Variants in HSD17B3 observed in about 807,000 individuals in gnomAD.
HSD17B3 encodes the protein hydroxysteroid 17-beta dehydrogenase 3.
Under a neutral mutation model 41.1 loss-of-function variants are expected in HSD17B3, and 29 were observed. The ratio of observed to expected loss-of-function variants is 0.71; its 90% CI spans 0.53 to 0.96. HSD17B3 has a LOEUF of 0.96. Among genes scored for constraint, HSD17B3 ranks in the 40% least tolerant of loss-of-function variants. The pLI, the probability that HSD17B3 is intolerant of heterozygous loss-of-function variation, is 0.00. For synonymous variants in HSD17B3, 126 were observed against 145.6 expected (o/e 0.87, Z 0.97); for missense variants, 323 against 374.6 (o/e 0.86, Z 1.14).
intron 2 of HSD17B3, among the ~76,000 whole-genome samples, chr9:96,266,579 A>G (rs1826050736): frequency 6.6e-6 from 1 of 152,174 alleles, no homozygotes; most frequent in Admixed American, 6.6e-5. Flanking sequence ...CCCAGCCTAC[A>G]AAATTTTTGT....
Position 96,244,316 on chromosome 9 carries a change from C to A in HSD17B3, c.672+13G>T. 6.2e-7 allele frequency: 1 copy of A among 1,613,704 alleles called. No homozygotes were observed. The highest frequency in any genetic ancestry group is 1.6e-4 in the Middle Eastern group (1 of 6,062). On this transcript the variant is annotated intron_variant, in intron 9 of 10. Transcript: ENST00000375263. ...CTGGATGATGACAAGGACTCCACAGCTGCCCACCTCACCTGGATGATGACT... is the reference window on the plus strand; with the variant it reads ...CTGGATGATGACAAGGACTCCACAGATGCCCACCTCACCTGGATGATGACT...
At chr9:96,255,190 G>A (rs976425400) in intron 2 of HSD17B3, among the ~76,000 whole-genome samples, 1 of 151,948 alleles carries the variant, frequency 6.6e-6, no homozygotes, top group Admixed American at 6.6e-5. Context: ...ATTGTGTGCG[G>A]GGAACTTTTC....
At chr9:96,244,215 C>T in intron 9 of HSD17B3, 114 bp downstream of exon 9, 1 of 1,029,952 alleles carries the variant, frequency 9.7e-7, no homozygotes, top group Non-Finnish European at 1.5e-6. Context: ...AGCAGCCAGA[C>T]CCACAGGAGG....
At chr9:96,235,936 G>A (rs1836221157) in intron 10 of HSD17B3, among the ~76,000 whole-genome samples, 1 of 151,744 alleles carries the variant, frequency 6.6e-6, no homozygotes, top group Non-Finnish European at 1.5e-5. Context: ...CTCTTGAGTA[G>A]CTGGTACCAT....
intron 2 of HSD17B3, among the ~76,000 whole-genome samples, chr9:96,263,336 C>T (rs149864503): frequency 0.01 from 1,595 of 152,200 alleles, 81 homozygotes; most frequent in Admixed American, 0.09. Flanking sequence ...CAACACAAAG[C>T]CTACACTGGT....
At chr9:96,270,232 TC>T (rs1033963394) in intron 2 of HSD17B3, among the ~76,000 whole-genome samples, 1 of 146,382 alleles carries the variant, frequency 6.8e-6, no homozygotes, top group East Asian at 2.0e-4. Flanking sequence ...ATTTGATCTA[TC>T]CCCCCCAAAC....
intron 2 of HSD17B3, among the ~76,000 whole-genome samples, chr9:96,263,162 T>C (rs959570392): frequency 1.4e-4 from 21 of 152,330 alleles, no homozygotes; most frequent in Admixed American, 3.9e-4. Flanking sequence ...CTCTCTGCAA[T>C]GATGCAGGGA....
chr9:96,298,462 A>G lies in HSD17B3; in HGVS notation c.155T>C (p.Val52Ala), dbSNP rs751278659. 3 of 1,613,230 alleles carry G rather than the reference A, an allele frequency of 1.9e-6. No homozygotes were observed. Among genetic ancestry groups the G allele is most frequent in the Non-Finnish European group, 2.5e-6 (3 of 1,179,156 alleles). The change falls in exon 2 of 11, where the codon GTG becomes GCG. Residue 52 changes from valine to alanine, a missense_variant and splice_region_variant. By Grantham distance (64) the Val-to-Ala change is moderately conservative. Coordinates refer to ENST00000375263, the MANE Select transcript of HSD17B3 (RefSeq NM_000197.2). ...AATTCCATCGCCTGCTCCAGTGATC[A>G]CTGTGAAAAGCAAGAATGCTTTTAA... ...SFLRSMGQWA[V>A]ITGAGDGIGK...
intron 9 of HSD17B3, among the ~76,000 whole-genome samples, chr9:96,242,003 A>AAGAAAGAAAG (rs1554692386): frequency 2.6e-3 from 350 of 135,494 alleles, no homozygotes; most frequent in South Asian, 5.1e-3. Context: ...GAAAGAAAGA[A>AAGAAAGAAAG]AGAGAAAGAA....
intron 2 of HSD17B3, among the ~76,000 whole-genome samples, chr9:96,296,602 A>G (rs1827368211): frequency 6.6e-6 from 1 of 152,154 alleles, no homozygotes; most frequent in Non-Finnish European, 1.5e-5. Flanking sequence ...TCCCAAAATA[A>G]TTGGATATAA....
chr9:96,276,171 A>C (rs1030555298), intron 2 of HSD17B3, among the ~76,000 whole-genome samples: 2 of 151,802 alleles, frequency 1.3e-5, no homozygotes, highest in African/African-American at 4.8e-5. Flanking sequence ...ATAGCAACAA[A>C]AAGAAGAAAA....
At chr9:96,277,395 A>T (rs1826507279) in intron 2 of HSD17B3, among the ~76,000 whole-genome samples, 2 of 152,156 alleles carry the variant, frequency 1.3e-5, no homozygotes, top group South Asian at 4.1e-4. Context: ...ACGTGATTTT[A>T]AAAAAGGAAG....
intron 2 of HSD17B3, among the ~76,000 whole-genome samples, chr9:96,259,257 A>G (rs2130741064): frequency 6.6e-6 from 1 of 152,274 alleles, no homozygotes; most frequent in Middle Eastern, 3.4e-3. Context: ...GTGGACAATG[A>G]GTTGTTCCTG....
At chr9:96,274,668 T>C (rs949868897) in intron 2 of HSD17B3, among the ~76,000 whole-genome samples, 2 of 151,998 alleles carry the variant, frequency 1.3e-5, no homozygotes, top group African/African-American at 4.8e-5. Context: ...ATCTGTGAAC[T>C]TGAAGAAAGG....
At chr9:96,297,130 T>G (rs924629926) in intron 2 of HSD17B3, among the ~76,000 whole-genome samples, 4 of 152,028 alleles carry the variant, frequency 2.6e-5, no homozygotes, top group Non-Finnish European at 5.9e-5. Flanking sequence ...TGAGATAAAT[T>G]TAGGAGAAAC....
chr9:96,251,598 G>T (rs1825415631), intron 4 of HSD17B3, 113 bp from the exon 5 acceptor site: 2 of 947,406 alleles, frequency 2.1e-6, no homozygotes, highest in Non-Finnish European at 3.3e-6. Context: ...GCATGATTTG[G>T]TAACGGTGAG....
intron 2 of HSD17B3, among the ~76,000 whole-genome samples, chr9:96,274,969 T>C (rs552598496): frequency 1.6e-4 from 25 of 152,076 alleles, no homozygotes; most frequent in Non-Finnish European, 3.1e-4. Flanking sequence ...TTGTCAAAAT[T>C]TAAGGACAAA....
At chr9:96,297,903 G>A (rs8190508) in intron 2 of HSD17B3, among the ~76,000 whole-genome samples, 20,924 of 152,110 alleles carry the variant, frequency 0.14, 2,011 homozygotes, top group East Asian at 0.29. Flanking sequence ...AGAAATAAGC[G>A]TGGAAGCAAA....
chr9:96,290,459 T>C (rs1290532563), intron 2 of HSD17B3, among the ~76,000 whole-genome samples: 4 of 141,592 alleles, frequency 2.8e-5, no homozygotes, highest in Non-Finnish European at 4.6e-5. Context: ...TCCTGGGCTT[T>C]TTTTTTTTTT....
Sources: allele counts gnomAD v4.1 joint callset (sites outside exome capture counted in the v4.1 genomes callset), GRCh38; gene constraint gnomAD v4.1.1; transcripts MANE v1.5; gene names NCBI Gene and HGNC (gene_info 2026-07-23, HGNC 2026-07-21).